PANX1: variants seen among roughly 807,000 people sequenced by gnomAD.
PANX1 encodes the protein pannexin-1.
A neutral mutation model predicts 38.7 loss-of-function variants in PANX1; 30 were observed. The ratio of observed to expected loss-of-function variants is 0.78; its 90% confidence interval spans 0.58 to 1.05. The LOEUF is 1.05. Among genes scored for constraint, PANX1 ranks in the 50% least tolerant of loss-of-function variants. PANX1 has a pLI of 0.00. For synonymous variants in PANX1, 230 were observed against 212.2 expected, an observed-to-expected ratio of 1.08 and a Z score of -0.73; for missense variants, 551 against 517.2, an observed-to-expected ratio of 1.07 and a Z score of -0.63.
intron 1 of PANX1, among the ~76,000 whole-genome samples, chr11:94,141,617 C>G (rs1458580402): frequency 6.6e-6 from 1 of 151,684 alleles, no homozygotes; most frequent in Non-Finnish European, 1.5e-5. Flanking sequence ...TTCAAAAAAC[C>G]CTAGTTGTTT....
At chr11:94,172,645 A>G (rs1591524844) in intron 2 of PANX1, among the ~76,000 whole-genome samples, 1 of 151,758 alleles carries the variant, frequency 6.6e-6, no homozygotes, top group Admixed American at 6.5e-5. Flanking sequence ...AACAGAGACC[A>G]TGTAGCTCTC....
At chr11:94,162,067 C>T (rs890685490) in intron 2 of PANX1, among the ~76,000 whole-genome samples, 2 of 152,136 alleles carry the variant, frequency 1.3e-5, no homozygotes, top group African/African-American at 2.4e-5. Flanking sequence ...GCTGCCTGAT[C>T]GTTCCTCTGG....
intron 2 of PANX1, among the ~76,000 whole-genome samples, chr11:94,164,120 T>TG (rs975166255): frequency 6.6e-6 from 1 of 152,050 alleles, no homozygotes; most frequent in African/African-American, 2.4e-5. Flanking sequence ...TCTTTCTTTT[T>TG]TTTTTAGTCT....
chr11:94,164,050 T>A (rs1220320378), intron 2 of PANX1, among the ~76,000 whole-genome samples: 1 of 152,128 alleles, frequency 6.6e-6, no homozygotes. Flanking sequence ...AGTGATCCTT[T>A]GAATTTCTGT....
At chr11:94,159,174 C>T (rs532729579) in intron 2 of PANX1, among the ~76,000 whole-genome samples, 6 of 152,124 alleles carry the variant, frequency 3.9e-5, no homozygotes, top group African/African-American at 9.6e-5. Flanking sequence ...AGGATTTTTG[C>T]GTCGATGTTC....
At chr11:94,153,669 A>C (rs1333333715) in intron 2 of PANX1, 39 bp downstream of exon 2, 2 of 1,591,056 alleles carry the variant, frequency 1.3e-6, no homozygotes. Context: ...TGTTTGCTTT[A>C]TAGATAAGGA....
Position 94,153,596 on chromosome 11 carries a change from G to A in PANX1, c.287G>A (p.Ser96Asn), listed in dbSNP as rs772082763. ...AAVQQKNSLQ[S>N]ESGNLPLWLH... ...GTTCAGCAGAAGAACTCACTGCAGA[G>A]CGAGTCTGGAAACCTCCCACTGTGG... is the stretch of plus-strand genomic sequence containing the variant. Residue 96 changes from serine (S) to asparagine (N), a missense_variant, in exon 2 of 5, where the codon AGC (serine) becomes AAC (asparagine). Physicochemically the swap from Ser to Asn is conservative, Grantham distance 46. Coordinates refer to ENST00000227638, the MANE Select transcript of PANX1 (RefSeq NM_015368.4). 2 of 1,613,840 alleles carry A rather than the reference G, an allele frequency of 1.2e-6. No homozygotes were observed. The highest frequency in any genetic ancestry group is 1.7e-5 in the Admixed American group (1 of 59,992).
At chr11:94,137,101 C>T (rs988182697) in intron 1 of PANX1, among the ~76,000 whole-genome samples, 4 of 152,078 alleles carry the variant, frequency 2.6e-5, no homozygotes, top group African/African-American at 7.2e-5. Context: ...GTCAAGAGAT[C>T]GAGACCATCC....
intron 2 of PANX1, among the ~76,000 whole-genome samples, chr11:94,156,697 A>T (rs566152047): frequency 3.1e-4 from 47 of 151,162 alleles, no homozygotes; most frequent in Admixed American, 7.2e-4. Context: ...ATCTTTTTTT[A>T]AAAAAAATTA....
rs1306595739 is a variant in PANX1 at position 94,165,440 on chromosome 11, A to G, written c.321+11810A>G. ...AGCAAAATAACCAGCTAACATCATAATGACAGGATCAAATTCACACATAAC... is the reference window on the plus strand; with the variant it reads ...AGCAAAATAACCAGCTAACATCATAGTGACAGGATCAAATTCACACATAAC... On this transcript the variant is annotated intron_variant, in intron 2 of 4. Transcript: ENST00000227638. 2.0e-5 allele frequency among the ~76,000 whole-genome samples: 3 copies of G among 152,130 alleles called. No homozygotes were observed. In the East Asian group the frequency reaches 5.8e-4, roughly 29 times the overall value.
chr11:94,153,951 G>A (rs1946916473), intron 2 of PANX1, among the ~76,000 whole-genome samples: 1 of 152,188 alleles, frequency 6.6e-6, no homozygotes, highest in Non-Finnish European at 1.5e-5. Context: ...TACATTTTGA[G>A]TGTCTGAATG....
chr11:94,154,278 C>T (rs370466264), intron 2 of PANX1, among the ~76,000 whole-genome samples: 11 of 152,234 alleles, frequency 7.2e-5, no homozygotes, highest in East Asian at 1.9e-4. Flanking sequence ...ATTCTGTAGT[C>T]AGGGAAGTGG....
At chr11:94,153,267 TC>T (rs939785115) in intron 1 of PANX1, among the ~76,000 whole-genome samples, 1 of 152,176 alleles carries the variant, frequency 6.6e-6, no homozygotes, top group Non-Finnish European at 1.5e-5. Flanking sequence ...TAAGAATTTT[TC>T]CCCAACTGAG....
chr11:94,141,152 C>A (rs1230878320), intron 1 of PANX1, among the ~76,000 whole-genome samples: 1 of 152,078 alleles, frequency 6.6e-6, no homozygotes, highest in Non-Finnish European at 1.5e-5. Flanking sequence ...TTTTGAGAAC[C>A]GTTGTTCTAG....
chr11:94,151,907 C>G (rs1176318763), intron 1 of PANX1, among the ~76,000 whole-genome samples: 1 of 152,220 alleles, frequency 6.6e-6, no homozygotes, highest in East Asian at 1.9e-4. Context: ...GGTGCACAGG[C>G]CCCTGATGGG....
intron 2 of PANX1, among the ~76,000 whole-genome samples, chr11:94,162,450 T>C (rs1947053788): frequency 6.6e-6 from 1 of 152,204 alleles, no homozygotes; most frequent in South Asian, 2.1e-4. Context: ...CGCTGCCACC[T>C]TGCAGTTTGA....
At chr11:94,141,233 A>G (rs1360897467) in intron 1 of PANX1, among the ~76,000 whole-genome samples, 6 of 152,246 alleles carry the variant, frequency 3.9e-5, no homozygotes, top group Non-Finnish European at 1.5e-5. Flanking sequence ...ACTGCCTTCC[A>G]GAATACCAGT....
At chr11:94,139,322 C>A (rs377258212) in intron 1 of PANX1, among the ~76,000 whole-genome samples, 1 of 152,168 alleles carries the variant, frequency 6.6e-6, no homozygotes, top group Admixed American at 6.5e-5. Flanking sequence ...ATTGTCACAT[C>A]GCCTTAGCAG....
At chr11:94,179,081 T>C (rs1016376655) in intron 3 of PANX1, among the ~76,000 whole-genome samples, 1 of 152,208 alleles carries the variant, frequency 6.6e-6, no homozygotes, top group Non-Finnish European at 1.5e-5. Flanking sequence ...TTTTTGAATA[T>C]TTAATATATC....
Sources: allele counts gnomAD v4.1 joint callset (sites outside exome capture counted in the v4.1 genomes callset), GRCh38; gene constraint gnomAD v4.1.1; transcripts MANE v1.5; gene names NCBI Gene and HGNC (gene_info 2026-07-23, HGNC 2026-07-21).